Variants in MBNL1 observed in about 807,000 individuals in gnomAD.
MBNL1 encodes the protein muscleblind like splicing regulator 1.
A neutral mutation model predicts 42.2 loss-of-function variants in MBNL1; 8 were observed. The ratio of observed to expected loss-of-function variants is 0.19; its 90% CI spans 0.11 to 0.34. MBNL1 has a LOEUF of 0.34. Ranked by LOEUF, MBNL1 falls within the 10% of genes least tolerant of loss-of-function variation. MBNL1 has a pLI of 1.00. For missense variants in MBNL1, 309 were observed against 495.3 expected (o/e 0.62, Z 3.57); for synonymous variants, 169 against 173.9 (o/e 0.97, Z 0.22).
At chr3:152,392,974 G>C (rs184063160) in intron 2 of MBNL1, among the ~76,000 whole-genome samples, 2 of 152,272 alleles carry the variant, frequency 1.3e-5, no homozygotes, top group East Asian at 3.9e-4. Context: ...TGTACAATTT[G>C]TTGCGTTGGA....
intron 1 of MBNL1, among the ~76,000 whole-genome samples, chr3:152,294,391 C>G (rs1253644441): frequency 6.7e-6 from 1 of 148,600 alleles, no homozygotes; most frequent in African/African-American, 2.5e-5. Flanking sequence ...TCACGCCATT[C>G]TCCTGCCTCA....
chr3:152,447,589 T>C (rs1712672858), intron 5 of MBNL1, 31 bp from the exon 6 acceptor site: 1 of 1,577,072 alleles, frequency 6.3e-7, no homozygotes, highest in Non-Finnish European at 8.7e-7. Flanking sequence ...TTTTTACTGG[T>C]ATTTGTTTTT....
intron 3 of MBNL1, among the ~76,000 whole-genome samples, chr3:152,419,697 GT>G (rs1420007708): frequency 1.3e-5 from 2 of 150,650 alleles, no homozygotes; most frequent in African/African-American, 4.9e-5. Flanking sequence ...TTGTTTGTTT[GT>G]TTGTTTGTTT....
intron 2 of MBNL1, among the ~76,000 whole-genome samples, chr3:152,316,506 A>G (rs2071568308): frequency 6.6e-6 from 1 of 152,202 alleles, no homozygotes; most frequent in Non-Finnish European, 1.5e-5. Flanking sequence ...GCCTGCACAA[A>G]GCAGAAGAGA....
intron 2 of MBNL1, 88 bp downstream of exon 2, chr3:152,300,455 A>G (rs2060248230): frequency 1.8e-6 from 2 of 1,137,364 alleles, no homozygotes; most frequent in African/African-American, 1.6e-5. Flanking sequence ...GGGATTATGG[A>G]TTGCTTTGTT....
intron 2 of MBNL1, among the ~76,000 whole-genome samples, chr3:152,245,191 C>T (rs1423744053): frequency 2.0e-5 from 3 of 152,034 alleles, no homozygotes; most frequent in Non-Finnish European, 4.4e-5. Flanking sequence ...CTAAAATAAT[C>T]TAGATCCTAG....
intron 1 of MBNL1, among the ~76,000 whole-genome samples, chr3:152,296,963 A>G (rs2058769994): frequency 6.6e-6 from 1 of 152,206 alleles, no homozygotes; most frequent in Admixed American, 6.5e-5. Context: ...AAAACACTGT[A>G]TAGGGCATAG....
chr3:152,260,671 G>A (rs1482610538), intron 2 of MBNL1, among the ~76,000 whole-genome samples: 1 of 152,070 alleles, frequency 6.6e-6, no homozygotes. Flanking sequence ...CAAGAGACAG[G>A]GTATAGAATT....
chr3:152,400,190 A>T (rs1449085225), intron 2 of MBNL1, among the ~76,000 whole-genome samples: 1 of 152,202 alleles, frequency 6.6e-6, no homozygotes, highest in Non-Finnish European at 1.5e-5. Flanking sequence ...TGAACAGGCC[A>T]CTGAGGAGAG....
chr3:152,421,847 A>G (rs1336038844), intron 3 of MBNL1, among the ~76,000 whole-genome samples: 1 of 152,236 alleles, frequency 6.6e-6, no homozygotes, highest in African/African-American at 2.4e-5. Flanking sequence ...TAAGTGAAAG[A>G]GAAATAAAAT....
chr3:152,455,606 C>A (rs1302309280), intron 7 of MBNL1, 29 bp downstream of exon 7: 4 of 1,608,124 alleles, frequency 2.5e-6, no homozygotes, highest in Non-Finnish European at 3.4e-6. Flanking sequence ...TCTTGATTAT[C>A]TTAAACCTAT....
At chr3:152,293,547 T>C (rs2057123838) in intron 1 of MBNL1, among the ~76,000 whole-genome samples, 1 of 152,346 alleles carries the variant, frequency 6.6e-6, no homozygotes, top group East Asian at 1.9e-4. Flanking sequence ...GTTGTGGTTT[T>C]GGGCAAGGGG....
At chr3:152,420,409 C>A (rs2098784434) in intron 3 of MBNL1, among the ~76,000 whole-genome samples, 1 of 152,142 alleles carries the variant, frequency 6.6e-6, no homozygotes, top group South Asian at 2.1e-4. Context: ...GATGAAGCTT[C>A]CAGAGGAAGG....
upstream of MBNL1, chr3:152,268,765 C>T (rs577352005): frequency 2.2e-6 from 1 of 452,598 alleles, no homozygotes; most frequent in South Asian, 1.6e-5. Flanking sequence ...CGCGGGAGGG[C>T]GCCGGCGGAA....
intron 4 of MBNL1, among the ~76,000 whole-genome samples, chr3:152,442,628 G>A (rs924891426): frequency 6.6e-6 from 1 of 151,938 alleles, no homozygotes; most frequent in Admixed American, 6.5e-5. Flanking sequence ...ATTTATTTTG[G>A]GTATCAGCAT....
At chr3:152,306,656 C>G (rs938721776) in intron 2 of MBNL1, among the ~76,000 whole-genome samples, 1 of 151,890 alleles carries the variant, frequency 6.6e-6, no homozygotes, top group African/African-American at 2.4e-5. Flanking sequence ...AAAACTGTTG[C>G]CTTGATTGAA....
At chr3:152,377,630 A>G (rs546066163) in intron 2 of MBNL1, among the ~76,000 whole-genome samples, 7 of 152,324 alleles carry the variant, frequency 4.6e-5, no homozygotes, top group South Asian at 2.1e-4. Context: ...ATTGAAACCT[A>G]TATTGTGACA....
At chr3:152,339,842 A>T (rs2092645741) in intron 2 of MBNL1, 1 of 152,150 alleles carries the variant, frequency 6.6e-6, no homozygotes, top group Non-Finnish European at 1.5e-5. Flanking sequence ...TATTTCATTT[A>T]ACATAATTTC....
upstream of MBNL1, chr3:152,268,766 G>A (rs948199218): frequency 2.2e-6 from 1 of 454,530 alleles, no homozygotes; most frequent in African/African-American, 2.0e-5. Context: ...GCGGGAGGGC[G>A]CCGGCGGAAA....
Sources: allele counts gnomAD v4.1 joint callset (sites outside exome capture counted in the v4.1 genomes callset), GRCh38; gene constraint gnomAD v4.1.1; transcripts MANE v1.5; gene names NCBI Gene and HGNC (gene_info 2026-07-23, HGNC 2026-07-21).